The following RASEF variants were observed in gnomAD, a reference collection of about 807,000 sequenced individuals.
RASEF encodes the protein ras and EF-hand domain-containing protein.
RASEF carries 68 observed loss-of-function variants against 90.1 expected under a neutral mutation model. That is an observed-to-expected ratio of 0.75 (90% CI 0.62 to 0.92). RASEF has a LOEUF of 0.92. Among genes scored for constraint, RASEF ranks in the 40% least tolerant of loss-of-function variants. RASEF has a pLI of 0.00. For missense variants in RASEF, 949 were observed against 937.2 expected (o/e 1.01, Z -0.16); for synonymous variants, 331 against 345.2 (o/e 0.96, Z 0.46).
At chr9:83,086,245 A>G in the RASEF span, among the ~76,000 whole-genome samples, 26 of 152,200 alleles carry the variant, frequency 1.7e-4, no homozygotes, top group Non-Finnish European at 2.4e-4. Context: ...CAAGAATAAG[A>G]TAACAAGAAG....
chr9:83,093,777 GCTC>G, the RASEF span, among the ~76,000 whole-genome samples: 9 of 152,250 alleles, frequency 5.9e-5, no homozygotes, highest in Non-Finnish European at 8.8e-5. Flanking sequence ...GGGCTGAAGG[GCTC>G]CTCAAGTGCC....
intron 6 of RASEF, among the ~76,000 whole-genome samples, chr9:83,009,171 C>T (rs1190900089): frequency 6.6e-6 from 1 of 151,622 alleles, no homozygotes; most frequent in Non-Finnish European, 1.5e-5. Context: ...ATTTACCATC[C>T]ATATAAAAAT....
chr9:83,010,784 C>T (rs916791495), intron 5 of RASEF, among the ~76,000 whole-genome samples: 3 of 152,158 alleles, frequency 2.0e-5, no homozygotes, highest in African/African-American at 7.2e-5. Flanking sequence ...CTGCCAGCTT[C>T]ACACACAGAG....
At chr9:83,155,146 G>C in the RASEF span, among the ~76,000 whole-genome samples, 8 of 152,206 alleles carry the variant, frequency 5.3e-5, no homozygotes, top group African/African-American at 9.6e-5. Context: ...AGGCAGCTGA[G>C]TCCAAGAACA....
In RASEF at chr9:82,993,037, A is replaced by T; in HGVS notation, c.1921-12T>A. On this transcript the variant is annotated splice_polypyrimidine_tract_variant and intron_variant, in intron 14 of 16. Transcript: ENST00000376447. Reference sequence around the variant, plus strand: ...TCATGGGCTGCATCCTACCAGGAAGAAAAAAAAAATGGGGCACACATCAAA... The same window carrying T: ...TCATGGGCTGCATCCTACCAGGAAGTAAAAAAAAATGGGGCACACATCAAA... 7.1e-7 allele frequency: 1 copy of T among 1,417,026 alleles called. No homozygotes were observed. Among genetic ancestry groups the T allele is most frequent in the African/African-American group, 1.5e-5 (1 of 66,638 alleles). 87.8% of individuals were successfully genotyped at this position (1,417,026 alleles called of 1,614,324 possible).
At chr9:83,081,001 A>G in the RASEF span, among the ~76,000 whole-genome samples, 16 of 152,300 alleles carry the variant, frequency 1.1e-4, no homozygotes, top group Non-Finnish European at 1.8e-4. Context: ...TAGCATTAGG[A>G]AAATACTAAT....
At chr9:83,089,032 G>A in the RASEF span, among the ~76,000 whole-genome samples, 1 of 151,952 alleles carries the variant, frequency 6.6e-6, no homozygotes, top group South Asian at 2.1e-4. Context: ...ATATTTTCTA[G>A]TCTACCATTT....
the RASEF span, among the ~76,000 whole-genome samples, chr9:83,107,263 G>C: frequency 2.6e-5 from 4 of 152,070 alleles, no homozygotes; most frequent in Non-Finnish European, 5.9e-5. Flanking sequence ...TTCCTTTCCA[G>C]AGCCAGTTCC....
At chr9:83,018,952 A>T (rs1829394645) in intron 3 of RASEF, among the ~76,000 whole-genome samples, 2 of 152,206 alleles carry the variant, frequency 1.3e-5, no homozygotes. Context: ...GAACAATTGG[A>T]TATCTACATA....
rs140708207 is a variant in RASEF at position 83,001,495 on chromosome 9, C to T, written c.1203-365G>A. ...ATGAGCTTTTTTACTCTAAGGTGGTCAGACCATATTCTGAACATTGTGTCC... is the reference window on the plus strand; with the variant it reads ...ATGAGCTTTTTTACTCTAAGGTGGTTAGACCATATTCTGAACATTGTGTCC... On this transcript the variant is annotated intron_variant, in intron 9 of 16. Coordinates refer to ENST00000376447, the MANE Select transcript of RASEF (RefSeq NM_152573.4). Among the ~76,000 whole-genome samples the T allele has an allele frequency of 6.5e-3, 989 of 152,200 alleles. 34 individuals are homozygous for T. Among genetic ancestry groups the T allele is most frequent in the East Asian group, 0.046 (238 of 5,168 alleles).
At chr9:83,009,089 A>C (rs1018325000) in intron 6 of RASEF, among the ~76,000 whole-genome samples, 2 of 151,266 alleles carry the variant, frequency 1.3e-5, no homozygotes, top group Non-Finnish European at 2.9e-5. Context: ...AAACAAACCC[A>C]AAAAAAGATA....
chr9:83,197,113 A>T, the RASEF span, among the ~76,000 whole-genome samples: 10 of 152,256 alleles, frequency 6.6e-5, no homozygotes, highest in Non-Finnish European at 1.5e-4. Flanking sequence ...GGAGCAGAAC[A>T]GTCCTTGATC....
intron 2 of RASEF, among the ~76,000 whole-genome samples, chr9:83,024,101 A>C (rs1829493897): frequency 6.6e-6 from 1 of 152,210 alleles, no homozygotes; most frequent in South Asian, 2.1e-4. Flanking sequence ...ATGGCTAAGC[A>C]TGCAAGGAAT....
chr9:83,081,722 T>C, the RASEF span, among the ~76,000 whole-genome samples: 1,058 of 152,282 alleles, frequency 6.9e-3, 7 homozygotes, highest in Non-Finnish European at 0.011. Context: ...CCAGCCGGGT[T>C]CAGGAGGTAC....
At chr9:83,037,395 G>T (rs570992658) in intron 1 of RASEF, among the ~76,000 whole-genome samples, 92 of 151,942 alleles carry the variant, frequency 6.1e-4, no homozygotes, top group Non-Finnish European at 1.2e-3. Context: ...CGTTCAGGAA[G>T]TTCATTCTGT....
At chr9:83,208,827 G>A in the RASEF span, among the ~76,000 whole-genome samples, 3 of 152,272 alleles carry the variant, frequency 2.0e-5, no homozygotes, top group African/African-American at 7.2e-5. Flanking sequence ...CTGAGCAGAG[G>A]GGGAGGATCA....
the RASEF span, among the ~76,000 whole-genome samples, chr9:83,114,586 C>T: frequency 6.6e-6 from 1 of 152,300 alleles, no homozygotes; most frequent in South Asian, 2.1e-4. Flanking sequence ...TTTTTCTCAA[C>T]AAGGAACATC....
At chr9:83,167,612 C>A in the RASEF span, among the ~76,000 whole-genome samples, 1 of 152,064 alleles carries the variant, frequency 6.6e-6, no homozygotes, top group South Asian at 2.1e-4. Flanking sequence ...ATTACCATAT[C>A]AATTTTGGAA....
the RASEF span, among the ~76,000 whole-genome samples, chr9:83,211,595 T>C: frequency 6.6e-6 from 1 of 152,240 alleles, no homozygotes; most frequent in Non-Finnish European, 1.5e-5. Flanking sequence ...AGTGAGATAC[T>C]GGGACTGTGG....
Sources: gnomAD v4.1 joint callset for allele counts (sites outside exome capture counted in the v4.1 genomes callset) on GRCh38, gnomAD v4.1.1 for gene constraint, MANE v1.5 for transcripts, NCBI Gene and HGNC (gene_info 2026-07-23, HGNC 2026-07-21) for gene names.